The following GRB14 variants were observed in gnomAD, a reference collection of about 807,000 sequenced individuals.
GRB14 encodes the protein growth factor receptor-bound protein 14.
GRB14 carries 38 observed loss-of-function variants against 69.1 expected under a neutral mutation model. That is an observed-to-expected ratio of 0.55 (90% CI 0.42 to 0.72). GRB14 has a LOEUF of 0.72. Ranked by LOEUF, GRB14 falls within the 30% of genes least tolerant of loss-of-function variation. The pLI is 0.00. For missense variants in GRB14, 666 were observed against 666.1 expected (o/e 1.00, Z 0.00); for synonymous variants, 247 against 241.3 (o/e 1.02, Z -0.22).
At chr2:164,583,818 C>T (rs528973577) in intron 2 of GRB14, among the ~76,000 whole-genome samples, 23 of 152,250 alleles carry the variant, frequency 1.5e-4, no homozygotes, top group African/African-American at 5.5e-4. Context: ...GATTTTCTGA[C>T]TGTAAACATT....
At chr2:164,524,103 T>C (rs1687705663) in intron 5 of GRB14, among the ~76,000 whole-genome samples, 1 of 152,036 alleles carries the variant, frequency 6.6e-6, no homozygotes, top group Non-Finnish European at 1.5e-5. Flanking sequence ...TATAACCTAT[T>C]AAAAAGCCCA....
chr2:164,520,597 A>C (rs1358425898), intron 6 of GRB14, among the ~76,000 whole-genome samples: 2 of 152,170 alleles, frequency 1.3e-5, no homozygotes, highest in Non-Finnish European at 2.9e-5. Context: ...AAATATTTGC[A>C]ATTTCTACAT....
intron 2 of GRB14, among the ~76,000 whole-genome samples, chr2:164,601,291 A>G (rs1689907190): frequency 6.6e-6 from 1 of 152,152 alleles, no homozygotes. Flanking sequence ...AATAATACAA[A>G]GGATTTTTGA....
intron 2 of GRB14, among the ~76,000 whole-genome samples, chr2:164,591,891 AT>A (rs1689673130): frequency 6.6e-6 from 1 of 152,076 alleles, no homozygotes; most frequent in African/African-American, 2.4e-5. Context: ...GTGGGAGATA[AT>A]TGAATCATGG....
intron 3 of GRB14, among the ~76,000 whole-genome samples, chr2:164,544,612 T>C (rs972875052): frequency 6.6e-6 from 1 of 152,210 alleles, no homozygotes; most frequent in Non-Finnish European, 1.5e-5. Flanking sequence ...GTTGAGCCTC[T>C]TCTGTCCTAG....
chr2:164,569,171 T>A (rs770217475), intron 2 of GRB14, among the ~76,000 whole-genome samples: 17 of 152,264 alleles, frequency 1.1e-4, no homozygotes, highest in Admixed American at 9.2e-4. Context: ...TTAAAAGCAT[T>A]TAAAAAATAA....
chr2:164,585,592 A>G (rs565585321), intron 2 of GRB14, among the ~76,000 whole-genome samples: 17 of 152,204 alleles, frequency 1.1e-4, no homozygotes, highest in Non-Finnish European at 2.4e-4. Flanking sequence ...TACCAAAAAA[A>G]TGATAACTAT....
At chr2:164,570,233 C>T (rs909085116) in intron 2 of GRB14, among the ~76,000 whole-genome samples, 13 of 141,860 alleles carry the variant, frequency 9.2e-5, no homozygotes, top group Non-Finnish European at 1.5e-4. Context: ...GCCGAGATCG[C>T]GCCACTGCAC....
intron 8 of GRB14, among the ~76,000 whole-genome samples, 190 bp downstream of exon 8, chr2:164,508,265 A>T (rs1687242430): frequency 6.6e-6 from 1 of 152,366 alleles, no homozygotes; most frequent in African/African-American, 2.4e-5. Context: ...ACAGAAATGT[A>T]TTAGGTTATT....
At chr2:164,515,464 C>T (rs1004329826) in intron 6 of GRB14, among the ~76,000 whole-genome samples, 2 of 152,134 alleles carry the variant, frequency 1.3e-5, no homozygotes, top group African/African-American at 4.8e-5. Context: ...AGAGAAATAA[C>T]ACTCACTGCA....
At chr2:164,529,259 G>A (rs1370001054) in intron 3 of GRB14, among the ~76,000 whole-genome samples, 1 of 152,140 alleles carries the variant, frequency 6.6e-6, no homozygotes, top group African/African-American at 2.4e-5. Flanking sequence ...GTAGGAGGGA[G>A]TAGGGAATAA....
intron 2 of GRB14, among the ~76,000 whole-genome samples, chr2:164,612,472 T>A (rs1306511105): frequency 6.6e-6 from 1 of 152,200 alleles, no homozygotes; most frequent in African/African-American, 2.4e-5. Context: ...TCCTGAACCC[T>A]TTCTTTCTAC....
At chr2:164,588,699 T>C (rs537186977) in intron 2 of GRB14, among the ~76,000 whole-genome samples, 1 of 152,322 alleles carries the variant, frequency 6.6e-6, no homozygotes, top group East Asian at 1.9e-4. Context: ...CTCCTTATGT[T>C]GAGCCTCATT....
chr2:164,493,096 T>C lies in GRB14; in HGVS notation c.1563A>G (p.Gln521=), dbSNP rs377501547. 1.2e-6 allele frequency: 2 copies of C among 1,613,612 alleles called. No homozygotes were observed. Among genetic ancestry groups the C allele is most frequent in the Non-Finnish European group, 8.5e-7 (1 of 1,179,656 alleles). ...TGCAAGGAAGAACGCCCTTATTGAG[T>C]TGATAGAACTCCACCAGCTGTATTA... ...TDLIQLVEFY[Q]LNKGVLPCKL... Residue 521 remains glutamine, a synonymous_variant, in exon 14 of 14, where the codon CAA becomes CAG. Coordinates refer to ENST00000263915, the MANE Select transcript of GRB14 (RefSeq NM_004490.3).
At chr2:164,591,953 C>T (rs759575610) in intron 2 of GRB14, among the ~76,000 whole-genome samples, 1 of 151,988 alleles carries the variant, frequency 6.6e-6, no homozygotes, top group Non-Finnish European at 1.5e-5. Flanking sequence ...TCTCATGAGA[C>T]CTGATGATTT....
chr2:164,551,885 G>C (rs554879390), intron 2 of GRB14, among the ~76,000 whole-genome samples: 132 of 152,326 alleles, frequency 8.7e-4, no homozygotes, highest in African/African-American at 2.6e-3. Flanking sequence ...ATAAAGAAAA[G>C]AGGTTTATTC....
rs146244755 is a variant in GRB14, at chr2:164,590,437, T to C, written c.324+29250A>G. On this transcript the variant is annotated intron_variant, in intron 2 of 13. Transcript: ENST00000263915. ...AGAATTAAAGTTATCTCCCAGTGAG[T>C]ACCGTGAATGAGAACATACTTACGT... Among the ~76,000 whole-genome samples, 153 of 152,280 alleles carry C rather than the reference T, an allele frequency of 1.0e-3. 1 individual carries two copies. The highest frequency in any genetic ancestry group is 1.7e-3 in the Non-Finnish European group (117 of 68,010).
chr2:164,580,029 A>C (rs1316221197), intron 2 of GRB14, among the ~76,000 whole-genome samples: 1 of 152,118 alleles, frequency 6.6e-6, no homozygotes, highest in Non-Finnish European at 1.5e-5. Flanking sequence ...TATCTGGAAA[A>C]ACTTCTTAAG....
intron 12 of GRB14, among the ~76,000 whole-genome samples, chr2:164,495,022 A>G (rs1170569484): frequency 2.0e-5 from 3 of 151,984 alleles, no homozygotes; most frequent in Non-Finnish European, 2.9e-5. Flanking sequence ...GCTCACTGCA[A>G]TCTCCGCCTC....
Sources: allele counts gnomAD v4.1 joint callset (sites outside exome capture counted in the v4.1 genomes callset), GRCh38; gene constraint gnomAD v4.1.1; transcripts MANE v1.5; gene names NCBI Gene and HGNC (gene_info 2026-07-23, HGNC 2026-07-21).